The following FAM53A variants were observed in gnomAD, a reference collection of about 807,000 sequenced individuals.
The protein encoded by FAM53A is family with sequence similarity 53 member A, also known as protein FAM53A.
A neutral mutation model predicts 26.6 loss-of-function variants in FAM53A; 28 were observed. The ratio of observed to expected loss-of-function variants is 1.05; its 90% confidence interval spans 0.78 to 1.45. FAM53A has a LOEUF of 1.45. FAM53A is among the 40% of genes most tolerant of loss of function. FAM53A has a pLI of 0.00. For missense variants in FAM53A, 650 were observed against 575.8 expected, an observed-to-expected ratio of 1.13 and a Z score of -1.32; for synonymous variants, 290 against 253.1, an observed-to-expected ratio of 1.15 and a Z score of -1.38.
the FAM53A span, among the ~76,000 whole-genome samples, chr4:1,585,171 G>C: frequency 6.6e-6 from 1 of 151,420 alleles, no homozygotes; most frequent in East Asian, 1.9e-4. Flanking sequence ...ATTAATTATA[G>C]TCACACGTTG....
At chr4:1,602,760 G>A in the FAM53A span, among the ~76,000 whole-genome samples, 4 of 152,270 alleles carry the variant, frequency 2.6e-5, no homozygotes, top group Non-Finnish European at 5.9e-5. Flanking sequence ...TGACGGTCCC[G>A]GAACCCAGGG....
the FAM53A span, among the ~76,000 whole-genome samples, chr4:1,584,850 A>C: frequency 1.3e-5 from 2 of 152,220 alleles, no homozygotes; most frequent in African/African-American, 4.8e-5. Context: ...TGTCATTTGC[A>C]TTGCATTCTG....
rs561718724 is a variant in FAM53A at position 1,668,894 on chromosome 4, C to G, written c.-153G>C. 1.6e-6 allele frequency: 1 copy of G among 609,638 alleles called. No individual in the cohort carries two copies. Among genetic ancestry groups the G allele is most frequent in the Non-Finnish European group, 2.9e-6 (1 of 347,762 alleles). The allele number at this position is 609,638 out of a possible 1,614,324, so 37.8% of individuals were successfully genotyped here. ...GAGCAGTCCACGCCCACGGGCTCTTCAGGATTTGTGCCTGTTTCTCAGAAG... is the reference window on the plus strand; with the variant it reads ...GAGCAGTCCACGCCCACGGGCTCTTGAGGATTTGTGCCTGTTTCTCAGAAG... On this transcript the variant is annotated 5_prime_UTR_variant, in exon 2 of 5. Transcript: ENST00000308132.
chr4:1,637,963 A>T (rs1370758371), downstream of FAM53A, among the ~76,000 whole-genome samples: 3 of 147,978 alleles, frequency 2.0e-5, no homozygotes, highest in Admixed American at 1.3e-4. Context: ...GGGCCCTGGG[A>T]CCCCCTGCCT....
downstream of FAM53A, among the ~76,000 whole-genome samples, chr4:1,615,362 A>C (rs1577077407): frequency 7.0e-6 from 1 of 143,506 alleles, no homozygotes; most frequent in African/African-American, 2.6e-5. Flanking sequence ...CGCCCACCCC[A>C]CCTGGGCACA....
At chr4:1,648,353 G>C (rs1022690095) in intron 4 of FAM53A, among the ~76,000 whole-genome samples, 4 of 152,176 alleles carry the variant, frequency 2.6e-5, no homozygotes, top group Admixed American at 2.6e-4. Flanking sequence ...ACAGGGAGAG[G>C]GGCACACAGA....
At position 1,655,159 on chromosome 4, in the gene FAM53A, G is replaced by A; in HGVS notation, c.701C>T (p.Thr234Ile). The change falls in exon 4 of 5, where the codon ACT becomes ATT. Residue 234 changes from threonine (T) to isoleucine (I), a missense_variant. Thr to Ile is a moderately conservative substitution (Grantham distance 89, BLOSUM62 -1). Coordinates refer to ENST00000308132, the MANE Select transcript of FAM53A (RefSeq NM_001174070.3). Reference sequence around the variant, plus strand: ...GCTGCTGCTGGCCCAGGGCAGGGGAGTGCCCGCACCCGCGAGTCGCTCCTG... The same window carrying A: ...GCTGCTGCTGGCCCAGGGCAGGGGAATGCCCGCACCCGCGAGTCGCTCCTG... ...LSQERLAGAG[T>I]PLPWASSSPT... 3.2e-6 allele frequency: 5 copies of A among 1,579,306 alleles called. No individual in the cohort carries two copies. The highest frequency in any genetic ancestry group is 4.3e-6 in the Non-Finnish European group (5 of 1,167,060).
In FAM53A at chr4:1,620,669, CA is replaced by C. The variant is rs940209565; in HGVS notation, c.432-2559del. On this transcript the variant is annotated intron_variant, in intron 1 of 1. Coordinates refer to the FAM53A transcript ENST00000489029. ...GGTGACACTGCAAGACTCTGTCTCA[CA>C]AAAAAAAAGAAAAAGAAAGAAAGAA... is the stretch of plus-strand genomic sequence containing the variant. 2.9e-3 allele frequency among the ~76,000 whole-genome samples: 424 copies of C among 148,172 alleles called. 3 individuals are homozygous for C. Among genetic ancestry groups the C allele is most frequent in the African/African-American group, 0.01 (409 of 40,198 alleles).
the FAM53A span, among the ~76,000 whole-genome samples, chr4:1,592,804 G>T: frequency 2.6e-5 from 4 of 152,152 alleles, no homozygotes; most frequent in African/African-American, 9.7e-5. Flanking sequence ...AGAGGCGGCC[G>T]CGGGGGCGCC....
At chr4:1,667,254 G>A (rs1714305248) in intron 2 of FAM53A, among the ~76,000 whole-genome samples, 1 of 152,096 alleles carries the variant, frequency 6.6e-6, no homozygotes, top group African/African-American at 2.4e-5. Context: ...AGCTGAGATG[G>A]TGCCACTACA....
the FAM53A span, among the ~76,000 whole-genome samples, chr4:1,594,128 C>T: frequency 6.6e-6 from 1 of 152,230 alleles, no homozygotes; most frequent in East Asian, 1.9e-4. Context: ...AAGCCGGAGC[C>T]TCCTCTGCGA....
Position 1,625,532 on chromosome 4 carries a change from A to G in FAM53A, c.432-7421T>C, listed in dbSNP as rs867682988. ...CCCGGCCCACGTGGTCAGGGGTCAC[A>G]CCAGGTGATCAGAAGGCCCCACGTC... On this transcript the variant is annotated intron_variant, in intron 1 of 1. Transcript: ENST00000489029. 2.9e-3 allele frequency among the ~76,000 whole-genome samples: 123 copies of G among 42,992 alleles called. 5 individuals carry two copies. Among genetic ancestry groups the G allele is most frequent in the African/African-American group, 0.012 (66 of 5,448 alleles). 28.2% of individuals were successfully genotyped at this position (42,992 alleles called of 152,430 possible). A position where few individuals can be genotyped will look rare whatever the true frequency, so the allele number is the denominator to read the frequency against.
In FAM53A at chr4:1,666,855, T is replaced by C. The variant is rs374240360; in HGVS notation, c.75+1812A>G. 1.1e-3 allele frequency among the ~76,000 whole-genome samples: 170 copies of C among 151,968 alleles called. 3 individuals are homozygous for C. The East Asian group carries it at 0.022, about 20-fold the overall frequency. Reference sequence around the variant, plus strand: ...CTAAAAATACAAAATTTAGGCTGGGTGTGGTGGCTCACGCCTGTAATCCCA... The same window carrying C: ...CTAAAAATACAAAATTTAGGCTGGGCGTGGTGGCTCACGCCTGTAATCCCA... On this transcript the variant is annotated intron_variant, in intron 2 of 4. Coordinates refer to ENST00000308132, the MANE Select transcript of FAM53A (RefSeq NM_001174070.3).
At chr4:1,643,248 C>T (rs963226798) in intron 4 of FAM53A, among the ~76,000 whole-genome samples, 16 of 152,186 alleles carry the variant, frequency 1.1e-4, no homozygotes, top group South Asian at 4.2e-4. Flanking sequence ...GGGCGGATCA[C>T]GAGGTCAGGA....
chr4:1,595,805 G>C, the FAM53A span, among the ~76,000 whole-genome samples: 1 of 152,218 alleles, frequency 6.6e-6, no homozygotes, highest in Non-Finnish European at 1.5e-5. Context: ...GCCTCAGGTA[G>C]GCCCATCTGT....
chr4:1,585,503 C>T, the FAM53A span, among the ~76,000 whole-genome samples: 5 of 151,948 alleles, frequency 3.3e-5, no homozygotes, highest in African/African-American at 7.2e-5. Context: ...AGGCTGATCT[C>T]GAACTCCTGG....
intron 4 of FAM53A, chr4:1,644,511 C>T (rs972435994): frequency 1.4e-5 from 12 of 874,966 alleles, no homozygotes; most frequent in African/African-American, 5.1e-5. Flanking sequence ...CGGTGGAAAC[C>T]GAGGCCCACG....
At position 1,657,478 on chromosome 4, in the gene FAM53A, AAGAG is replaced by A. The variant is rs762892435; in HGVS notation, c.76-14_76-11del. The A allele has an allele frequency of 1.2e-6, 2 of 1,613,196 alleles. No homozygotes were observed. The highest frequency in any genetic ancestry group is 1.7e-6 in the Non-Finnish European group (2 of 1,179,558). On this transcript the variant is annotated splice_polypyrimidine_tract_variant and intron_variant, in intron 2 of 4. Transcript: ENST00000308132. ...CCGCAGAATACTGCAACTGACAGGAAAGAGAAGTTTCAATACTGTGACTGACACG... is the reference window on the plus strand; with the variant it reads ...CCGCAGAATACTGCAACTGACAGGAAAAGTTTCAATACTGTGACTGACACG...
chr4:1,609,832 A>G, the FAM53A span, among the ~76,000 whole-genome samples: 9 of 151,846 alleles, frequency 5.9e-5, no homozygotes, highest in East Asian at 3.9e-4. Context: ...GCATGGTGGC[A>G]GGCGCCTGTA....
Sources: gnomAD v4.1 joint callset for allele counts (sites outside exome capture counted in the v4.1 genomes callset) on GRCh38, gnomAD v4.1.1 for gene constraint, MANE v1.5 for transcripts, NCBI Gene and HGNC (gene_info 2026-07-23, HGNC 2026-07-21) for gene names.